Variants in PTPRS observed in about 807,000 individuals in gnomAD.
PTPRS encodes protein tyrosine phosphatase receptor type S.
Under a neutral mutation model 215.3 loss-of-function variants are expected in PTPRS, and 63 were observed. That is an observed-to-expected ratio of 0.29 (90% confidence interval 0.24 to 0.36). The LOEUF (loss-of-function observed/expected upper bound fraction) is 0.36, where lower values mean the gene tolerates loss of function less well. Among genes scored for constraint, PTPRS ranks in the 10% least tolerant of loss-of-function variants. The pLI is 1.00. For missense variants in PTPRS, 2,258 were observed against 2,825.8 expected, an observed-to-expected ratio of 0.80 and a Z score of 4.56; for synonymous variants, 1,404 against 1,191.4, an observed-to-expected ratio of 1.18 and a Z score of -3.68.
chr19:5,275,631 C>A (rs189459157), intron 2 of PTPRS, among the ~76,000 whole-genome samples: 2 of 151,988 alleles, frequency 1.3e-5, no homozygotes, highest in African/African-American at 4.8e-5. Flanking sequence ...CATGGTGAAA[C>A]CCCGTCTCTA....
At chr19:5,274,861 G>A (rs947108780) in intron 2 of PTPRS, among the ~76,000 whole-genome samples, 8 of 152,120 alleles carry the variant, frequency 5.3e-5, no homozygotes, top group Admixed American at 1.3e-4. Context: ...GGGGGCGGGG[G>A]GTGACCATGG....
At chr19:5,271,085 G>A (rs975103496) in intron 4 of PTPRS, among the ~76,000 whole-genome samples, 3 of 152,182 alleles carry the variant, frequency 2.0e-5, no homozygotes, top group Admixed American at 6.5e-5. Flanking sequence ...CTGGGCTGCC[G>A]TGGAGGACAT....
At chr19:5,274,383 T>A in intron 2 of PTPRS, 39 bp from the exon 3 acceptor site, 1 of 1,585,218 alleles carries the variant, frequency 6.3e-7, no homozygotes, top group African/African-American at 1.3e-5. Context: ...CGCTGATGGG[T>A]CCAGGCATCT....
At chr19:5,212,780 T>C (rs1228647338) in intron 30 of PTPRS, among the ~76,000 whole-genome samples, 1 of 151,644 alleles carries the variant, frequency 6.6e-6, no homozygotes, top group Non-Finnish European at 1.5e-5. Flanking sequence ...GAGGTGGAGA[T>C]TGCAGTGAGC....
At chr19:5,233,588 C>G (rs2043189207) in intron 13 of PTPRS, among the ~76,000 whole-genome samples, 1 of 151,324 alleles carries the variant, frequency 6.6e-6, no homozygotes, top group East Asian at 1.9e-4. Context: ...GCAATAGAAG[C>G]TCCACTTATC....
chr19:5,265,222 G>A (rs751905225), intron 4 of PTPRS, 26 bp from the exon 5 acceptor site: 5 of 1,602,914 alleles, frequency 3.1e-6, no homozygotes, highest in Non-Finnish European at 4.3e-6. Flanking sequence ...TGAGAGAAAT[G>A]GGCATGGTTC....
At position 5,210,818 on chromosome 19, in the gene PTPRS, G is replaced by T. The variant is rs771711479; in HGVS notation, c.5235-13C>A. On this transcript the variant is annotated splice_polypyrimidine_tract_variant and intron_variant, in intron 33 of 37. Transcript: ENST00000262963. This position sits in a 1 kb window ranked among gnomAD's most constrained non-coding sequence, Gnocchi z 4.5. ...GGCCTTCTGCTGCCTGCAGGCGTTG[G>T]GGGTATGAGCCCAGGGCCGGCAGGG... 2 of 1,612,400 alleles carry T rather than the reference G, an allele frequency of 1.2e-6. No homozygotes were observed. The highest frequency in any genetic ancestry group is 2.2e-5 in the East Asian group (1 of 44,878).
At position 5,315,350 on chromosome 19, in the gene PTPRS, GGTTTTTT is replaced by G. The variant is rs1339792831; in HGVS notation, c.-95+25307_-95+25313del. Among the ~76,000 whole-genome samples the G allele has an allele frequency of 5.1e-4, 52 of 101,312 alleles. 2 individuals are homozygous for G. Among genetic ancestry groups the G allele is most frequent in the Non-Finnish European group, 7.6e-4 (40 of 52,782 alleles). 66.5% of individuals were successfully genotyped at this position (101,312 alleles called of 152,430 possible). A position where few individuals can be genotyped will look rare whatever the true frequency, so the allele number is the denominator to read the frequency against. On this transcript the variant is annotated intron_variant, in intron 1 of 37. Transcript: ENST00000262963. ...TCATGGAGAATTTTTATTTGAAAAGGGTTTTTTTTTTTTTTTTTTTTTTTTTTTTTTG... is the reference window on the plus strand; with the variant it reads ...TCATGGAGAATTTTTATTTGAAAAGGTTTTTTTTTTTTTTTTTTTTTTTTG...
At position 5,244,122 on chromosome 19, in the gene PTPRS, G is replaced by A; in HGVS notation, c.1349C>T (p.Pro450Leu). 1.2e-6 allele frequency: 2 copies of A among 1,607,008 alleles called. No homozygotes were observed. Among genetic ancestry groups the A allele is most frequent in the East Asian group, 2.2e-5 (1 of 44,814 alleles). The change falls in exon 11 of 38, where the codon CCG (proline) becomes CTG (leucine). Residue 450 changes from proline (P) to leucine (L), a missense_variant. Transcript: ENST00000262963. The surrounding 1 kb of genome is among the most constrained non-coding windows in gnomAD (Gnocchi z 7.2). Reference sequence around the variant, plus strand: ...GCGGATCAGGCCGTTGGGCTCCACCGGCTCCTCCCACTGCACAATCATGGT... The same window carrying A: ...GCGGATCAGGCCGTTGGGCTCCACCAGCTCCTCCCACTGCACAATCATGGT... ...ATTMIVQWEE[P>L]VEPNGLIRGY... is the part of the protein sequence containing the mutation.
At chr19:5,265,242 C>T in intron 4 of PTPRS, 46 bp from the exon 5 acceptor site, 4 of 1,550,234 alleles carry the variant, frequency 2.6e-6, no homozygotes, top group Non-Finnish European at 2.6e-6. Context: ...CTGAGCACTG[C>T]ACAGCCACTC....
At chr19:5,226,644 G>T (rs546111084) in intron 16 of PTPRS, among the ~76,000 whole-genome samples, 1 of 152,248 alleles carries the variant, frequency 6.6e-6, no homozygotes, top group Non-Finnish European at 1.5e-5. Context: ...AGCTACTGGG[G>T]TGGCTGAGGC....
intron 1 of PTPRS, among the ~76,000 whole-genome samples, chr19:5,317,854 G>T (rs559821233): frequency 6.6e-6 from 1 of 152,012 alleles, no homozygotes; most frequent in Admixed American, 6.6e-5. Flanking sequence ...TGGCCAACAT[G>T]GTGAAACCCC....
chr19:5,304,591 G>C (rs772874154), intron 1 of PTPRS, among the ~76,000 whole-genome samples: 8 of 152,236 alleles, frequency 5.3e-5, no homozygotes, highest in African/African-American at 9.6e-5. Flanking sequence ...GGAGGTTGCA[G>C]TGAGCTGCGA....
In PTPRS at chr19:5,228,345, G is replaced by GAAAAAAAAAAAAAAAAAA. The variant is rs1491502602; in HGVS notation, c.2376+970_2376+971insTTTTTTTTTTTTTTTTTT. On this transcript the variant is annotated intron_variant, in intron 16 of 37. Transcript: ENST00000262963. ...GGGCGATAGTGTGAGACTCCGTCTG[G>GAAAAAAAAAAAAAAAAAA]AGAAAAAAAAAAAAAAAAGAGACAG... Among the ~76,000 whole-genome samples, 3 of 33,242 alleles carry GAAAAAAAAAAAAAAAAAA rather than the reference G, an allele frequency of 9.0e-5. 1 individual carries two copies. Among genetic ancestry groups the GAAAAAAAAAAAAAAAAAA allele is most frequent in the African/African-American group, 1.9e-4 (2 of 10,502 alleles). 21.8% of individuals were successfully genotyped at this position (33,242 alleles called of 152,430 possible). A position where few individuals can be genotyped will look rare whatever the true frequency, so the allele number is the denominator to read the frequency against.
rs2042033861 is a variant in PTPRS, at chr19:5,222,189, G to A, written c.3135C>T (p.Ile1045=). The A allele has an allele frequency of 6.2e-7, 1 of 1,614,020 alleles. No homozygotes were observed. The highest frequency in any genetic ancestry group is 1.6e-4 in the Middle Eastern group (1 of 6,062). ...AGCTGAGCAGAACTGATGTCTTCAT[G>A]ATCATTTTCACCTTGAAGTTCTTGG... ...VSPKNFKVKM[I]MKTSVLLSWE... is the part of the protein sequence containing the mutation. The change falls in exon 19 of 38, where the codon ATC becomes ATT. Residue 1045 remains isoleucine (I), a synonymous_variant. Coordinates refer to ENST00000262963, the MANE Select transcript of PTPRS (RefSeq NM_002850.4).
chr19:5,259,091 C>A (rs951647158), intron 7 of PTPRS, among the ~76,000 whole-genome samples: 7 of 152,144 alleles, frequency 4.6e-5, no homozygotes, highest in African/African-American at 7.2e-5. Flanking sequence ...CTCATACTCA[C>A]AAGTAAAGTT....
At chr19:5,248,971 G>C (rs997098857) in intron 9 of PTPRS, among the ~76,000 whole-genome samples, 4 of 152,210 alleles carry the variant, frequency 2.6e-5, no homozygotes, top group Non-Finnish European at 5.9e-5. Context: ...GGGCTGGGAC[G>C]ATCAAACAGC....
intron 2 of PTPRS, among the ~76,000 whole-genome samples, chr19:5,279,325 T>C (rs1040022627): frequency 2.0e-5 from 3 of 150,376 alleles, no homozygotes; most frequent in African/African-American, 4.9e-5. Context: ...TAAAGACAAA[T>C]TGAAGAAGTT....
chr19:5,325,412 C>T (rs1340122433), intron 1 of PTPRS, among the ~76,000 whole-genome samples: 2 of 152,238 alleles, frequency 1.3e-5, no homozygotes, highest in Non-Finnish European at 2.9e-5. Flanking sequence ...ATTGGGAGAT[C>T]CCGCCACAAT....
Sources: allele counts gnomAD v4.1 joint callset (sites outside exome capture counted in the v4.1 genomes callset), GRCh38; gene constraint gnomAD v4.1.1; non-coding constraint Gnocchi (gnomAD v3.1); transcripts MANE v1.5; gene names NCBI Gene and HGNC (gene_info 2026-07-23, HGNC 2026-07-21).